PARP14: variants seen among roughly 807,000 people sequenced by gnomAD.
PARP14 encodes poly(ADP-ribose) polymerase family member 14, also known as protein mono-ADP-ribosyltransferase PARP14.
A neutral mutation model predicts 154.2 loss-of-function variants in PARP14; 59 were observed. The observed-to-expected ratio is 0.38, with a 90% CI of 0.31 to 0.48. The LOEUF is 0.48. Among genes scored for constraint, PARP14 ranks in the 20% least tolerant of loss-of-function variants. The pLI is 0.98. For synonymous variants in PARP14, 720 were observed against 780.5 expected (o/e 0.92, Z 1.29); for missense variants, 1,734 against 2,131.6 (o/e 0.81, Z 3.67).
chr3:122,681,736 G>C lies in PARP14; in HGVS notation c.187+666G>C, dbSNP rs1454929853. Among the ~76,000 whole-genome samples the C allele has an allele frequency of 6.6e-6, 1 of 152,150 alleles. No homozygotes were observed. The highest frequency in any genetic ancestry group is 1.5e-5 in the Non-Finnish European group (1 of 68,018). On this transcript the variant is annotated intron_variant, in intron 1 of 16. Coordinates refer to ENST00000474629, the MANE Select transcript of PARP14 (RefSeq NM_017554.3). This position sits in a 1 kb window ranked among gnomAD's most constrained non-coding sequence, Gnocchi z 5.5. Reference sequence around the variant, plus strand: ...TGATATTCTGAAGTGATTGTGGGTTGGGAGATTTGAGCTTTGGAGGGAAAG... The same window carrying C: ...TGATATTCTGAAGTGATTGTGGGTTCGGAGATTTGAGCTTTGGAGGGAAAG...
At chr3:122,718,046 G>A in intron 12 of PARP14, 25 bp from the exon 13 acceptor site, 2 of 1,601,858 alleles carry the variant, frequency 1.2e-6, no homozygotes, top group Non-Finnish European at 1.7e-6. Flanking sequence ...TTGTCCTTCA[G>A]CAATTTTATT....
chr3:122,683,199 C>A, intron 1 of PARP14: 2 of 512,194 alleles, frequency 3.9e-6, no homozygotes, highest in Non-Finnish European at 5.0e-6. Flanking sequence ...TAACAAGGGT[C>A]AGGAATTTGC....
rs1933350395 is a variant in PARP14 at position 122,728,778 on chromosome 3, T to C, written c.*181T>C. Reference sequence around the variant, plus strand: ...TCATAATGGAAATGAACTTATTATCTTGAGAGCAAATAACTTGGAAAATTT... The same window carrying C: ...TCATAATGGAAATGAACTTATTATCCTGAGAGCAAATAACTTGGAAAATTT... On this transcript the variant is annotated 3_prime_UTR_variant, in exon 17 of 17. Coordinates refer to ENST00000474629, the MANE Select transcript of PARP14 (RefSeq NM_017554.3). The C allele has an allele frequency of 1.7e-6, 1 of 578,180 alleles. No homozygotes were observed. The highest frequency in any genetic ancestry group is 3.1e-6 in the Non-Finnish European group (1 of 327,698). 35.8% of individuals were successfully genotyped at this position (578,180 alleles called of 1,614,324 possible). A position where few individuals can be genotyped will look rare whatever the true frequency, so the allele number is the denominator to read the frequency against.
rs1005840919 is a variant in PARP14 at position 122,729,493 on chromosome 3, G to C, written c.*896G>C. ...CTTGTTGCCCAGGCTGGAGTGCAATGGCGCGATCTCAGCTCACTGCAGCCA... is the reference window on the plus strand; with the variant it reads ...CTTGTTGCCCAGGCTGGAGTGCAATCGCGCGATCTCAGCTCACTGCAGCCA... On this transcript the variant is annotated 3_prime_UTR_variant, in exon 17 of 17. Transcript: ENST00000474629. 1.3e-5 allele frequency: 2 copies of C among 150,000 alleles called. No homozygotes were observed. Among genetic ancestry groups the C allele is most frequent in the African/African-American group, 5.0e-5 (2 of 40,112 alleles). 9.3% of individuals were successfully genotyped at this position (150,000 alleles called of 1,614,324 possible). A position where few individuals can be genotyped will look rare whatever the true frequency, so the allele number is the denominator to read the frequency against.
In PARP14 at chr3:122,718,766, TATA is replaced by T; in HGVS notation, c.4618_4620del (p.Asn1540del). On this transcript the variant is annotated inframe_deletion, in exon 14 of 17. Coordinates refer to ENST00000474629, the MANE Select transcript of PARP14 (RefSeq NM_017554.3). ...TATCAGTGAGTTTATAGAATGGCAG[TATA>T]ATGACAATAACACTTCTCATTGTTT... The T allele has an allele frequency of 6.2e-7, 1 of 1,613,510 alleles. No homozygotes were observed. The highest frequency in any genetic ancestry group is 8.5e-7 in the Non-Finnish European group (1 of 1,179,582).
At position 122,728,605 on chromosome 3, in the gene PARP14, G is replaced by T. The variant is rs771922187; in HGVS notation, c.*8G>T. On this transcript the variant is annotated 3_prime_UTR_variant, in exon 17 of 17. Transcript: ENST00000474629. ...ATTACGTTTAGAAAATAACACTTTGGTATCCTTCCCACAAAATTATTCTCC... is the reference window on the plus strand; with the variant it reads ...ATTACGTTTAGAAAATAACACTTTGTTATCCTTCCCACAAAATTATTCTCC... The T allele has an allele frequency of 1.9e-6, 3 of 1,597,554 alleles. No homozygotes were observed. The South Asian group carries it at 3.3e-5, about 18-fold the overall frequency.
In PARP14 at chr3:122,718,649, A is replaced by T; in HGVS notation, c.4498A>T (p.Ile1500Phe). ...HKRPLIKVLG[I>F]SRDVMQARDE... Reference sequence around the variant, plus strand: ...GAGACCTTTGATTAAGGTTTTGGGAATTAGCAGAGATGTGATGCAGGCTAG... The same window carrying T: ...GAGACCTTTGATTAAGGTTTTGGGATTTAGCAGAGATGTGATGCAGGCTAG... Residue 1500 changes from isoleucine to phenylalanine, a missense_variant, in exon 14 of 17, where the codon ATT (isoleucine) becomes TTT (phenylalanine). Coordinates refer to ENST00000474629, the MANE Select transcript of PARP14 (RefSeq NM_017554.3). The T allele has an allele frequency of 6.2e-7, 1 of 1,614,010 alleles. No individual in the cohort carries two copies. Among genetic ancestry groups the T allele is most frequent in the South Asian group, 1.1e-5 (1 of 91,084 alleles).
Position 122,700,406 on chromosome 3 carries a change from A to C in PARP14, c.1852A>C (p.Thr618Pro). The C allele has an allele frequency of 6.2e-7, 1 of 1,613,838 alleles. No individual in the cohort carries two copies. Among genetic ancestry groups the C allele is most frequent in the Admixed American group, 1.7e-5 (1 of 59,992 alleles). ...TCATGGCAAGAAATGGAAAGGGCTC[A>C]CTCACAATTTGCTTAAGAAACAAAA... ...VLHGKKWKGL[T>P]HNLLKKQNSS... Residue 618 changes from threonine (T) to proline (P), a missense_variant, in exon 6 of 17, where the codon ACT becomes CCT. Coordinates refer to ENST00000474629, the MANE Select transcript of PARP14 (RefSeq NM_017554.3).
At chr3:122,697,181 T>G (rs1189543979) in intron 5 of PARP14, among the ~76,000 whole-genome samples, 1 of 152,186 alleles carries the variant, frequency 6.6e-6, no homozygotes, top group East Asian at 1.9e-4. Flanking sequence ...CTTGAACTCC[T>G]GGGCTCAAGC....
In PARP14 at chr3:122,701,104, C is replaced by A. The variant is rs1309906345; in HGVS notation, c.2550C>A (p.Asp850Glu). The change falls in exon 6 of 17, where the codon GAC becomes GAA. Residue 850 changes from aspartate to glutamate, a missense_variant. Coordinates refer to ENST00000474629, the MANE Select transcript of PARP14 (RefSeq NM_017554.3). The surrounding 1 kb of genome is among the most constrained non-coding windows in gnomAD (Gnocchi z 4.0). ...GCCCTGAGCTCCAGGCCGACTGTGA[C>A]CAGATAGTGAAGAGAGAGGGCAGAC... ...AAGPELQADC[D>E]QIVKREGRLL... The A allele has an allele frequency of 6.2e-7, 1 of 1,613,980 alleles. No individual in the cohort carries two copies. Among genetic ancestry groups the A allele is most frequent in the African/African-American group, 1.3e-5 (1 of 75,048 alleles).
chr3:122,725,262 C>T (rs927221507), intron 15 of PARP14, among the ~76,000 whole-genome samples: 2 of 151,364 alleles, frequency 1.3e-5, no homozygotes, highest in Non-Finnish European at 2.9e-5. Flanking sequence ...CTAGACAGGG[C>T]GGCCGGGCAG....
intron 6 of PARP14, among the ~76,000 whole-genome samples, chr3:122,702,006 G>A (rs1321275548): frequency 1.3e-5 from 2 of 152,158 alleles, no homozygotes; most frequent in Admixed American, 1.3e-4. Context: ...AGAACAATCA[G>A]AGCATAGGGT....
Position 122,704,694 on chromosome 3 carries a change from A to C in PARP14, c.3486A>C (p.Lys1162Asn). 1.2e-6 allele frequency: 2 copies of C among 1,607,564 alleles called. No individual in the cohort carries two copies. Among genetic ancestry groups the C allele is most frequent in the Non-Finnish European group, 1.7e-6 (2 of 1,176,478 alleles). ...VFKFSSKNQL[K>N]TLQEVHFLLH... ...AATTTAGTAGCAAGAATCAGCTGAA[A>C]ACTTTACAAGAGGTTCACTTTCTGC... The change falls in exon 8 of 17, where the codon AAA becomes AAC. Residue 1162 changes from lysine to asparagine, a missense_variant. Lys to Asn is a moderately conservative substitution (Grantham distance 94). Coordinates refer to ENST00000474629, the MANE Select transcript of PARP14 (RefSeq NM_017554.3).
intron 15 of PARP14, among the ~76,000 whole-genome samples, chr3:122,725,759 A>G (rs1276591352): frequency 6.6e-6 from 1 of 152,196 alleles, no homozygotes; most frequent in Non-Finnish European, 1.5e-5. Flanking sequence ...TCTTTTAACT[A>G]GAGTACTTAA....
Position 122,685,311 on chromosome 3 carries a change from T to C in PARP14, c.314T>C (p.Leu105Pro). The C allele has an allele frequency of 6.2e-7, 1 of 1,613,634 alleles. No homozygotes were observed. The highest frequency in any genetic ancestry group is 8.5e-7 in the Non-Finnish European group (1 of 1,179,806). ...EIDHVFEEEL[L>P]TKESKTKEDV... ...GATCATGTCTTTGAAGAGGAACTTC[T>C]AACAAAAGCAAGTAAACTTTAGGCA... is the stretch of plus-strand genomic sequence containing the variant. The change falls in exon 2 of 17, where the codon CTA (leucine) becomes CCA (proline). Residue 105 changes from leucine (L) to proline (P), a missense_variant. Transcript: ENST00000474629.
intron 10 of PARP14, 148 bp downstream of exon 10, chr3:122,713,721 T>C: frequency 1.1e-6 from 1 of 884,722 alleles, no homozygotes; most frequent in Non-Finnish European, 1.8e-6. Flanking sequence ...TAATAATGTT[T>C]ATTTTATGAA....
chr3:122,729,962 T>C lies in PARP14; in HGVS notation c.*1365T>C, dbSNP rs1361703562. ...AATTTGCTAACTCCTATCTATTGAA[T>C]GGTGAAGTTTTAAAAATTTCCCCAG... is the stretch of plus-strand genomic sequence containing the variant. On this transcript the variant is annotated 3_prime_UTR_variant, in exon 17 of 17. Transcript: ENST00000474629. The C allele has an allele frequency of 1.3e-5, 2 of 152,248 alleles. No homozygotes were observed. Among genetic ancestry groups the C allele is most frequent in the Non-Finnish European group, 2.9e-5 (2 of 68,046 alleles). The allele number at this position is 152,248 out of a possible 1,614,324, so 9.4% of individuals were successfully genotyped here.
At position 122,701,271 on chromosome 3, in the gene PARP14, G is replaced by C; in HGVS notation, c.2717G>C (p.Cys906Ser). Residue 906 changes from cysteine to serine, a missense_variant, in exon 6 of 17, where the codon TGT becomes TCT. Cys to Ser is a moderately radical substitution (Grantham distance 112). This residue lies in a region of PARP14 where 1,646 missense variants were observed against 1,976.0 expected (regional missense o/e 0.83). Coordinates refer to ENST00000474629, the MANE Select transcript of PARP14 (RefSeq NM_017554.3). This position sits in a 1 kb window ranked among gnomAD's most constrained non-coding sequence, Gnocchi z 4.0. The part of the protein sequence containing the change: ...LLRRAVQLSL[C>S]LAEKYKYRSI... ...AGGAGAGCTGTGCAACTCAGTCTCT[G>C]TCTAGCCGAAAAATACAAGTACCGA... 1 of 1,613,938 alleles carries C rather than the reference G, an allele frequency of 6.2e-7. No homozygotes were observed.
chr3:122,710,618 T>C (rs1939293380), intron 9 of PARP14, among the ~76,000 whole-genome samples: 1 of 152,078 alleles, frequency 6.6e-6, no homozygotes, highest in African/African-American at 2.4e-5. Flanking sequence ...GGATGAGAAT[T>C]GCATTGAATC....
Sources: gnomAD v4.1 joint callset for allele counts (sites outside exome capture counted in the v4.1 genomes callset) on GRCh38, gnomAD v4.1.1 for gene constraint, gnomAD v4.1.1 regional missense constraint, Gnocchi (gnomAD v3.1) non-coding constraint, MANE v1.5 for transcripts, NCBI Gene and HGNC (gene_info 2026-07-23, HGNC 2026-07-21) for gene names.